Variants in LCT observed in about 807,000 individuals in gnomAD.
LCT encodes the protein lactase/phlorizin hydrolase.
A neutral mutation model predicts 173.0 loss-of-function variants in LCT; 90 were observed. The ratio of observed to expected loss-of-function variants is 0.52; its 90% confidence interval spans 0.44 to 0.62. LCT has a LOEUF of 0.62. Among genes scored for constraint, LCT ranks in the 20% least tolerant of loss-of-function variants. LCT has a pLI of 0.00. For synonymous variants in LCT, 853 were observed against 957.6 expected (o/e 0.89, Z 2.02); for missense variants, 1,864 against 2,431.4 (o/e 0.77, Z 4.91).
chr2:135,789,771 C>T lies in LCT; in HGVS notation c.5363G>A (p.Gly1788Glu), dbSNP rs1345936891. Reference protein sequence around the residue: ...KAVQDKVDLRGYTVWSAMDNF... With the variant: ...KAVQDKVDLREYTVWSAMDNF... ...GTCCATCGCACTCCAAACTGTGTAT[C>T]CTCGAAGGTCCACCTTGTCCTGCAC... The change falls in exon 16 of 17, where the codon GGA (glycine) becomes GAA (glutamate). Residue 1788 changes from glycine to glutamate, a missense_variant. Around this residue, in one of 4 missense-constraint regions of LCT, gnomAD observed 514 missense variants for 750.1 expected, o/e 0.69. Coordinates refer to ENST00000264162, the MANE Select transcript of LCT (RefSeq NM_002299.4). 1 of 1,614,070 alleles carries T rather than the reference C, an allele frequency of 6.2e-7. No homozygotes were observed. The highest frequency in any genetic ancestry group is 1.3e-5 in the African/African-American group (1 of 74,932).
Position 135,809,629 on chromosome 2 carries a change from G to C in LCT, c.2718C>G (p.Asp906Glu). ...CGGAAGAGGACACGCCCCACAGAAA[G>C]TCATCCCGAAACGTCCCGTGGTAGA... ...DLFYHGTFRDDFLWGVSSSAY... is the reference protein window; with the variant it reads ...DLFYHGTFRDEFLWGVSSSAY... Residue 906 changes from aspartate to glutamate, a missense_variant, in exon 8 of 17, where the codon GAC (aspartate) becomes GAG (glutamate). Transcript: ENST00000264162. The surrounding 1 kb of genome is among the most constrained non-coding windows in gnomAD (Gnocchi z 5.5). 6.2e-7 allele frequency: 1 copy of C among 1,614,234 alleles called. No homozygotes were observed. The highest frequency in any genetic ancestry group is 8.5e-7 in the Non-Finnish European group (1 of 1,180,046).
Position 135,829,657 on chromosome 2 carries a change from G to C in LCT, c.740C>G (p.Ser247Cys). The change falls in exon 3 of 17, where the codon TCT becomes TGT. Residue 247 changes from serine to cysteine, a missense_variant. Around this residue, in one of 4 missense-constraint regions of LCT, gnomAD observed 412 missense variants for 462.0 expected, o/e 0.89. Coordinates refer to ENST00000264162, the MANE Select transcript of LCT (RefSeq NM_002299.4). ...TTGGCATTCATAAGACAAATCAAGA[G>C]AGAGGAAATCGACCGTGTCCTGAAA... is the stretch of plus-strand genomic sequence containing the variant. ...ALAQDTVDFLSLDLSYECQNE... is the reference protein window; with the variant it reads ...ALAQDTVDFLCLDLSYECQNE... The C allele has an allele frequency of 6.2e-7, 1 of 1,613,208 alleles. No homozygotes were observed. The highest frequency in any genetic ancestry group is 2.2e-5 in the East Asian group (1 of 44,876).
At position 135,823,841 on chromosome 2, in the gene LCT, T is replaced by C. The variant is rs2077859062; in HGVS notation, c.907+60A>G. ...TGGAACCCCGGACTTTCAAGACTGC[T>C]ACCTAGCACACCAGTGCACCAGATG... On this transcript the variant is annotated intron_variant, in intron 4 of 16. Transcript: ENST00000264162. 3 of 1,155,238 alleles carry C rather than the reference T, an allele frequency of 2.6e-6. No individual in the cohort carries two copies. In the Admixed American group the frequency reaches 5.1e-5, roughly 20 times the overall value. The allele number at this position is 1,155,238 out of a possible 1,614,324, so 71.6% of individuals were successfully genotyped here.
At chr2:135,821,924 T>A (rs2077836070) in intron 5 of LCT, 96 bp downstream of exon 5, 1 of 810,168 alleles carries the variant, frequency 1.2e-6, no homozygotes, top group South Asian at 1.4e-5. Context: ...GGCCCAAGAG[T>A]TGATGACAAC....
At chr2:135,828,430 T>C (rs566478359) in intron 3 of LCT, among the ~76,000 whole-genome samples, 1 of 152,210 alleles carries the variant, frequency 6.6e-6, no homozygotes, top group South Asian at 2.1e-4. Context: ...TCTGCCTCCC[T>C]CATGGGAGGC....
At chr2:135,820,378 CCTT>C (rs1399571267) in intron 5 of LCT, 2 of 152,196 alleles carry the variant, frequency 1.3e-5, no homozygotes, top group Non-Finnish European at 2.9e-5. Flanking sequence ...CACAGCCAGT[CCTT>C]CTTGGCTGAC....
chr2:135,829,544 T>A, intron 3 of LCT, 49 bp downstream of exon 3: 2 of 1,371,474 alleles, frequency 1.5e-6, no homozygotes, highest in Non-Finnish European at 2.1e-6. Flanking sequence ...ATCTGCTCTC[T>A]GAAACCTTCG....
chr2:135,831,045 C>A (rs2077933000), intron 2 of LCT, among the ~76,000 whole-genome samples: 2 of 152,222 alleles, frequency 1.3e-5, no homozygotes, highest in Non-Finnish European at 2.9e-5. Context: ...GATGCCTGTG[C>A]AGGCCCAGGT....
intron 7 of LCT, 109 bp downstream of exon 7, chr2:135,812,202 C>A: frequency 5.3e-6 from 5 of 936,608 alleles, no homozygotes; most frequent in Middle Eastern, 3.1e-4. Flanking sequence ...ATTATGCTTT[C>A]TTTGGCTCCA....
intron 3 of LCT, among the ~76,000 whole-genome samples, chr2:135,825,622 G>A (rs745500): frequency 0.51 from 77,761 of 152,058 alleles, 24,074 homozygotes; most frequent in Non-Finnish European, 0.71. Flanking sequence ...TGTGCCTCCT[G>A]CAGAACCGAG....
Position 135,833,200 on chromosome 2 carries a change from A to G in LCT, c.641-10T>C, listed in dbSNP as rs1383445189. On this transcript the variant is annotated splice_polypyrimidine_tract_variant and intron_variant, in intron 1 of 16. Coordinates refer to ENST00000264162, the MANE Select transcript of LCT (RefSeq NM_002299.4). ...ACAGAGAGTTTTCCGCCTGAAACCA[A>G]CCAGAGACACGAACAGCAGGTGAGC... The G allele has an allele frequency of 6.2e-7, 1 of 1,610,288 alleles. No individual in the cohort carries two copies. Among genetic ancestry groups the G allele is most frequent in the Non-Finnish European group, 8.5e-7 (1 of 1,176,922 alleles).
intron 9 of LCT, 48 bp downstream of exon 9, chr2:135,807,080 C>T (rs1288270816): frequency 6.2e-7 from 1 of 1,607,052 alleles, no homozygotes; most frequent in Non-Finnish European, 8.5e-7. Context: ...GAGCCTGGCA[C>T]AGGGCAGGTG....
At chr2:135,807,852 G>A (rs1416417067) in intron 8 of LCT, among the ~76,000 whole-genome samples, 1 of 151,606 alleles carries the variant, frequency 6.6e-6, no homozygotes, top group Non-Finnish European at 1.5e-5. Context: ...TTTAGGCTGG[G>A]CACAGTGGCT....
At chr2:135,834,440 C>T (rs1261504458) in intron 1 of LCT, among the ~76,000 whole-genome samples, 3 of 149,972 alleles carry the variant, frequency 2.0e-5, no homozygotes, top group Non-Finnish European at 4.5e-5. Flanking sequence ...CTGCCTCAGC[C>T]TCCCAAAGTG....
At chr2:135,822,181 A>C in intron 4 of LCT, 83 bp from the exon 5 acceptor site, 1 of 856,572 alleles carries the variant, frequency 1.2e-6, no homozygotes, top group Non-Finnish European at 2.0e-6. Context: ...TTCCTCGCTC[A>C]TACGACACAC....
chr2:135,802,808 G>A (rs536136138), intron 11 of LCT, among the ~76,000 whole-genome samples: 1 of 152,110 alleles, frequency 6.6e-6, no homozygotes, highest in African/African-American at 2.4e-5. Flanking sequence ...ACTGTAGAGT[G>A]AATGTAGTTA....
At position 135,800,498 on chromosome 2, in the gene LCT, T is replaced by C. The variant is rs566524355; in HGVS notation, c.4866+109A>G. The C allele has an allele frequency of 3.2e-6, 3 of 947,562 alleles. No homozygotes were observed. In the African/African-American group the frequency reaches 4.9e-5, roughly 15 times the overall value. The allele number at this position is 947,562 out of a possible 1,614,324, so 58.7% of individuals were successfully genotyped here. On this transcript the variant is annotated intron_variant, in intron 12 of 16. Coordinates refer to ENST00000264162, the MANE Select transcript of LCT (RefSeq NM_002299.4). ...CCTCAGACTTCCAAAGTGCTGGGAT[T>C]ATAGACATGAGCCACCACACCCTAA...
At position 135,803,818 on chromosome 2, in the gene LCT, T is replaced by A. The variant is rs1020376891; in HGVS notation, c.4663+112A>T. ...TACAGCCCTGAGCAAGAGGCAGGGT[T>A]TCTGCCATGGGGCTTTCTTGGTTGC... On this transcript the variant is annotated intron_variant, in intron 11 of 16. Transcript: ENST00000264162. 10 of 938,298 alleles carry A rather than the reference T, an allele frequency of 1.1e-5. No individual in the cohort carries two copies. In the African/African-American group the frequency reaches 1.3e-4, roughly 12 times the overall value. The allele number at this position is 938,298 out of a possible 1,614,324, so 58.1% of individuals were successfully genotyped here. A position where few individuals can be genotyped will look rare whatever the true frequency, so the allele number is the denominator to read the frequency against.
At chr2:135,824,992 C>CAAAAAAA (rs5834449) in intron 3 of LCT, among the ~76,000 whole-genome samples, 1 of 110,178 alleles carries the variant, frequency 9.1e-6, no homozygotes, top group South Asian at 2.9e-4. Context: ...GGCTCCATCT[C>CAAAAAAA]AAAAAAAAAA....
Sources: allele counts gnomAD v4.1 joint callset (sites outside exome capture counted in the v4.1 genomes callset), GRCh38; gene constraint gnomAD v4.1.1; regional missense constraint gnomAD v4.1.1; non-coding constraint Gnocchi (gnomAD v3.1); transcripts MANE v1.5; gene names NCBI Gene and HGNC (gene_info 2026-07-23, HGNC 2026-07-21).